MARCHF8: variants seen among roughly 807,000 people sequenced by gnomAD.
MARCHF8 encodes E3 ubiquitin-protein ligase MARCHF8.
In MARCHF8, 40 loss-of-function variants were observed where a neutral mutation model predicts 51.6. The observed-to-expected ratio is 0.77, with a 90% CI of 0.60 to 1.01. MARCHF8 has a LOEUF of 1.01. Ranked by LOEUF, MARCHF8 falls within the 50% of genes least tolerant of loss-of-function variation. The pLI is 0.00. For missense variants in MARCHF8, 685 were observed against 708.6 expected (o/e 0.97, Z 0.38); for synonymous variants, 263 against 280.3 (o/e 0.94, Z 0.62).
At position 45,463,265 on chromosome 10, in the gene MARCHF8, A is replaced by G. The variant is rs868797879; in HGVS notation, c.974T>C (p.Val325Ala). Residue 325 changes from valine (V) to alanine (A), a missense_variant, in exon 5 of 8, where the codon GTT becomes GCT. Val to Ala is a moderately conservative substitution (Grantham distance 64). Coordinates refer to ENST00000453424, the MANE Select transcript of MARCHF8 (RefSeq NM_001282866.2). ...DSTSAKLKSRVLRAPLCSTEK... is the reference protein window; with the variant it reads ...DSTSAKLKSRALRAPLCSTEK... ...CGTGGAGCAGAGGGGCGCCCGCAGA[A>G]CCCTACTCTTCAGTTTTGCAGATGT... 18 of 1,550,708 alleles carry G rather than the reference A, an allele frequency of 1.2e-5. No individual in the cohort carries two copies. The African/African-American group carries it at 2.5e-4, about 21-fold the overall frequency.
intron 1 of MARCHF8, among the ~76,000 whole-genome samples, chr10:45,571,472 C>A (rs1278796718): frequency 6.6e-6 from 1 of 152,082 alleles, no homozygotes; most frequent in Admixed American, 6.6e-5. Context: ...CCTTTGCTGA[C>A]TCTCTTTTTG....
At chr10:45,575,079 C>T (rs950145666) in intron 1 of MARCHF8, among the ~76,000 whole-genome samples, 5 of 152,128 alleles carry the variant, frequency 3.3e-5, no homozygotes, top group African/African-American at 7.2e-5. Context: ...GGGTCATTCA[C>T]TGCAAGGGCC....
At chr10:45,557,503 T>G in intron 1 of MARCHF8, among the ~76,000 whole-genome samples, 1 of 152,094 alleles carries the variant, frequency 6.6e-6, no homozygotes, top group Non-Finnish European at 1.5e-5. Flanking sequence ...TACCACAGCT[T>G]TCAAAGTATT....
intron 2 of MARCHF8, among the ~76,000 whole-genome samples, chr10:45,527,811 T>A (rs2043816602): frequency 1.3e-5 from 2 of 151,850 alleles, no homozygotes; most frequent in Non-Finnish European, 2.9e-5. Flanking sequence ...AGAAACAGAA[T>A]CAATCAGTAC....
intron 6 of MARCHF8, chr10:45,459,869 T>C (rs1277823029): frequency 2.0e-6 from 2 of 985,338 alleles, no homozygotes; most frequent in Admixed American, 6.1e-5. Flanking sequence ...AGACTTTCTT[T>C]TTCATTTACT....
chr10:45,527,005 CT>C (rs2043805117), intron 2 of MARCHF8, among the ~76,000 whole-genome samples: 1 of 152,074 alleles, frequency 6.6e-6, no homozygotes, highest in Non-Finnish European at 1.5e-5. Context: ...GGAAATTAAC[CT>C]GCTCTTGAAT....
chr10:45,489,610 G>C (rs1022252106), intron 2 of MARCHF8, among the ~76,000 whole-genome samples, 193 bp from the exon 3 acceptor site: 16 of 151,886 alleles, frequency 1.1e-4, no homozygotes, highest in African/African-American at 3.1e-4. Context: ...ATACACAATA[G>C]TCCCTGTCCT....
At chr10:45,587,907 C>T (rs1478468345) in intron 1 of MARCHF8, among the ~76,000 whole-genome samples, 1 of 152,002 alleles carries the variant, frequency 6.6e-6, no homozygotes, top group African/African-American at 2.4e-5. Context: ...ATTAGACCAG[C>T]TAGCTTGAGC....
intron 3 of MARCHF8, among the ~76,000 whole-genome samples, chr10:45,465,998 C>G (rs557166921): frequency 6.6e-6 from 1 of 152,302 alleles, no homozygotes; most frequent in East Asian, 1.9e-4. Context: ...TGCCTGTGGA[C>G]ACTATGCTGT....
intron 3 of MARCHF8, among the ~76,000 whole-genome samples, chr10:45,470,464 C>T (rs1220936535): frequency 6.6e-6 from 1 of 152,190 alleles, no homozygotes. Context: ...AGAACGTTCT[C>T]TGCTTTTTAA....
Position 45,469,864 on chromosome 10 carries a change from C to CAAAAAA in MARCHF8, c.154-5543_154-5538dup, listed in dbSNP as rs55832920. ...TGGGCGACAGAGTGAGACTCCGTCT[C>CAAAAAA]AAAAAAAAAAAAAAAAAAAAAAAAA... On this transcript the variant is annotated intron_variant, in intron 3 of 7. Coordinates refer to ENST00000453424, the MANE Select transcript of MARCHF8 (RefSeq NM_001282866.2). Among the ~76,000 whole-genome samples, 11 of 57,036 alleles carry CAAAAAA rather than the reference C, an allele frequency of 1.9e-4. 1 individual carries two copies. Among genetic ancestry groups the CAAAAAA allele is most frequent in the East Asian group, 6.9e-4 (1 of 1,448 alleles). The allele number at this position is 57,036 out of a possible 152,430, so 37.4% of individuals were successfully genotyped here.
intron 2 of MARCHF8, among the ~76,000 whole-genome samples, chr10:45,499,779 A>G (rs1176944595): frequency 1.3e-5 from 2 of 152,268 alleles, no homozygotes; most frequent in Non-Finnish European, 2.9e-5. Context: ...TCTCTATTCT[A>G]TTCCATTGGT....
chr10:45,485,720 C>T (rs1326002330), intron 3 of MARCHF8, among the ~76,000 whole-genome samples: 2 of 152,124 alleles, frequency 1.3e-5, no homozygotes, highest in Non-Finnish European at 2.9e-5. Flanking sequence ...TCTAAATTTA[C>T]GCCAGCAAGA....
intron 2 of MARCHF8, among the ~76,000 whole-genome samples, chr10:45,491,864 G>A (rs543509684): frequency 1.3e-5 from 2 of 152,284 alleles, no homozygotes; most frequent in South Asian, 4.1e-4. Context: ...GGAATGGCTG[G>A]TTTGACACCA....
intron 1 of MARCHF8, among the ~76,000 whole-genome samples, chr10:45,589,173 T>C (rs1024072918): frequency 2.0e-5 from 3 of 152,158 alleles, no homozygotes; most frequent in Non-Finnish European, 2.9e-5. Flanking sequence ...GGACATTTAT[T>C]ACCTCATAGT....
intron 6 of MARCHF8, chr10:45,459,970 G>A (rs917923077): frequency 1.2e-6 from 1 of 847,832 alleles, no homozygotes. Flanking sequence ...CCTAGTCACA[G>A]CCTCTTTCCA....
At chr10:45,547,446 G>T (rs1178438942) in intron 1 of MARCHF8, among the ~76,000 whole-genome samples, 1 of 152,050 alleles carries the variant, frequency 6.6e-6, no homozygotes, top group Non-Finnish European at 1.5e-5. Flanking sequence ...CTTACAGAAG[G>T]TGTCAACAAA....
intron 1 of MARCHF8, among the ~76,000 whole-genome samples, chr10:45,574,662 T>C (rs1202878209): frequency 6.6e-6 from 1 of 152,174 alleles, no homozygotes; most frequent in Non-Finnish European, 1.5e-5. Context: ...TCCAAACAAT[T>C]TGACCTTACT....
chr10:45,522,152 A>AC (rs2043716568), intron 2 of MARCHF8, among the ~76,000 whole-genome samples: 1 of 152,170 alleles, frequency 6.6e-6, no homozygotes, highest in South Asian at 2.1e-4. Context: ...TCCCCCAAAA[A>AC]ACTCTGCATA....
Sources: gnomAD v4.1 joint callset for allele counts (sites outside exome capture counted in the v4.1 genomes callset) on GRCh38, gnomAD v4.1.1 for gene constraint, MANE v1.5 for transcripts, NCBI Gene and HGNC (gene_info 2026-07-23, HGNC 2026-07-21) for gene names.